Variants in ZNF609 observed in about 807,000 individuals in gnomAD.
ZNF609 encodes zinc finger protein 609.
ZNF609 carries 11 observed loss-of-function variants against 109.5 expected under a neutral mutation model. The ratio of observed to expected loss-of-function variants is 0.10; its 90% confidence interval spans 0.06 to 0.17. The LOEUF (loss-of-function observed/expected upper bound fraction) is 0.17. Ranked by LOEUF, ZNF609 falls within the 10% of genes least tolerant of loss-of-function variation. The pLI is 1.00. For synonymous variants in ZNF609, 646 were observed against 662.0 expected (o/e 0.98, Z 0.37); for missense variants, 1,559 against 1,772.4 (o/e 0.88, Z 2.16).
chr15:64,624,890 G>C (rs1297463718), intron 3 of ZNF609, among the ~76,000 whole-genome samples: 2 of 151,714 alleles, frequency 1.3e-5, no homozygotes, highest in Admixed American at 6.6e-5. Context: ...CTCCTGAGTA[G>C]TGGGGACTAC....
At chr15:64,513,357 C>T (rs1315993246) in intron 2 of ZNF609, among the ~76,000 whole-genome samples, 1 of 152,158 alleles carries the variant, frequency 6.6e-6, no homozygotes, top group Non-Finnish European at 1.5e-5. Context: ...TTTCATTTTG[C>T]TTGTACATAT....
At chr15:64,603,120 T>G (rs633275) in intron 2 of ZNF609, among the ~76,000 whole-genome samples, 112,644 of 151,610 alleles carry the variant, frequency 0.74, 45,372 homozygotes, top group East Asian at 0.96. Context: ...AAAGTTGAAC[T>G]TGCTTTCTCG....
chr15:64,489,937 G>A (rs1376246471), intron 1 of ZNF609, among the ~76,000 whole-genome samples: 2 of 151,636 alleles, frequency 1.3e-5, no homozygotes, highest in Admixed American at 1.3e-4. Flanking sequence ...AGGGGAAGAG[G>A]CATGGCAGAG....
chr15:64,667,322 A>G (rs544373830), intron 3 of ZNF609, among the ~76,000 whole-genome samples: 5 of 152,252 alleles, frequency 3.3e-5, no homozygotes, highest in Non-Finnish European at 7.3e-5. Context: ...TAGAAGTGCC[A>G]AATCAAAAAG....
chr15:64,529,709 T>A (rs1315401260), intron 2 of ZNF609: 5 of 671,900 alleles, frequency 7.4e-6, no homozygotes, highest in Non-Finnish European at 1.4e-5. Flanking sequence ...CGAGAGAATA[T>A]GTGGCTGTCT....
chr15:64,605,453 C>A (rs576825698), intron 2 of ZNF609, among the ~76,000 whole-genome samples: 1 of 152,222 alleles, frequency 6.6e-6, no homozygotes, highest in South Asian at 2.1e-4. Flanking sequence ...TAGAGATTAA[C>A]AATGTTGCAA....
intron 2 of ZNF609, among the ~76,000 whole-genome samples, chr15:64,503,226 C>G (rs1338680692): frequency 6.6e-6 from 1 of 152,188 alleles, no homozygotes; most frequent in African/African-American, 2.4e-5. Flanking sequence ...AGAGTGAGCT[C>G]TGTGCTGTTT....
chr15:64,464,759 AG>A (rs1472353707), intron 1 of ZNF609, among the ~76,000 whole-genome samples: 1 of 152,170 alleles, frequency 6.6e-6, no homozygotes, highest in Non-Finnish European at 1.5e-5. Context: ...TCTTTTCGCT[AG>A]GGAACAGGTA....
intron 2 of ZNF609, among the ~76,000 whole-genome samples, chr15:64,591,494 AAT>A (rs1248747299): frequency 1.3e-5 from 2 of 152,038 alleles, no homozygotes; most frequent in African/African-American, 4.8e-5. Flanking sequence ...CTCTATAAAA[AAT>A]GTTTTAAAAA....
chr15:64,640,367 C>A (rs1356759060), intron 3 of ZNF609, among the ~76,000 whole-genome samples: 1 of 152,008 alleles, frequency 6.6e-6, no homozygotes, highest in Non-Finnish European at 1.5e-5. Context: ...TTACTATTTA[C>A]CCTTCCTTGG....
intron 3 of ZNF609, among the ~76,000 whole-genome samples, chr15:64,653,863 A>G (rs973799849): frequency 6.6e-6 from 1 of 152,166 alleles, no homozygotes; most frequent in African/African-American, 2.4e-5. Context: ...TGGGAGCCAA[A>G]GAGCTATAAA....
intron 2 of ZNF609, among the ~76,000 whole-genome samples, chr15:64,521,478 A>AT (rs1180552163): frequency 6.6e-6 from 1 of 151,314 alleles, no homozygotes; most frequent in African/African-American, 2.4e-5. Context: ...TCCTTGTTTT[A>AT]TTTTTTCCTC....
At position 64,635,559 on chromosome 15, in the gene ZNF609, T is replaced by C. The variant is rs1408692205; in HGVS notation, c.973+12507T>C. ...CAACTCTGTAATCATTTATGTGGAA[T>C]AGAAGAGGGACTTGTCTTTGTTAGT... is the stretch of plus-strand genomic sequence containing the variant. On this transcript the variant is annotated intron_variant, in intron 3 of 9. Coordinates refer to ENST00000326648, the MANE Select transcript of ZNF609 (RefSeq NM_015042.2). Among the ~76,000 whole-genome samples the C allele has an allele frequency of 2.6e-5, 4 of 152,204 alleles. No homozygotes were observed. In the East Asian group the frequency reaches 7.7e-4, roughly 29 times the overall value.
At chr15:64,539,832 T>C (rs1894219548) in intron 2 of ZNF609, among the ~76,000 whole-genome samples, 1 of 152,066 alleles carries the variant, frequency 6.6e-6, no homozygotes, top group African/African-American at 2.4e-5. Flanking sequence ...TGACAGGGTT[T>C]CGCCATGTTG....
intron 2 of ZNF609, among the ~76,000 whole-genome samples, chr15:64,517,946 A>G (rs937160329): frequency 4.0e-5 from 6 of 151,744 alleles, no homozygotes; most frequent in African/African-American, 1.4e-4. Context: ...CACCTGACCA[A>G]TTTTGGATTT....
At chr15:64,485,622 G>A (rs1227608067) in intron 1 of ZNF609, among the ~76,000 whole-genome samples, 1 of 152,054 alleles carries the variant, frequency 6.6e-6, no homozygotes, top group Non-Finnish European at 1.5e-5. Flanking sequence ...GGGCAACATA[G>A]TGAGACCCTG....
In ZNF609 at chr15:64,675,679, A is replaced by G. The variant is rs149658249; in HGVS notation, c.2825A>G (p.Asp942Gly). ...PESIEGKVKNDICEEKKPELS... is the reference protein window; with the variant it reads ...PESIEGKVKNGICEEKKPELS... ...AGCATAGAAGGGAAAGTGAAGAACGATATCTGTGAAGAAAAGAAGCCCGAG... is the reference window on the plus strand; with the variant it reads ...AGCATAGAAGGGAAAGTGAAGAACGGTATCTGTGAAGAAAAGAAGCCCGAG... The change falls in exon 5 of 10, where the codon GAT becomes GGT. Residue 942 changes from aspartate (D) to glycine (G), a missense_variant. Asp to Gly is a moderately conservative substitution (Grantham distance 94). Coordinates refer to ENST00000326648, the MANE Select transcript of ZNF609 (RefSeq NM_015042.2). The G allele has an allele frequency of 2.3e-5, 37 of 1,613,904 alleles. 1 individual carries two copies. In the East Asian group the frequency reaches 4.2e-4, roughly 18 times the overall value.
At position 64,674,036 on chromosome 15, in the gene ZNF609, G is replaced by C. The variant is rs745517457; in HGVS notation, c.1182G>C (p.Gly394=). The change falls in exon 5 of 10, where the codon GGG becomes GGC. Residue 394 remains glycine, a synonymous_variant. Coordinates refer to ENST00000326648, the MANE Select transcript of ZNF609 (RefSeq NM_015042.2). ...CAGCCACAGCCTCTGACAGCAAAGGGACCAGTAACAGCAGCAAAACCCGGG... is the reference window on the plus strand; with the variant it reads ...CAGCCACAGCCTCTGACAGCAAAGGCACCAGTAACAGCAGCAAAACCCGGG... ...NETATASDSK[G]TSNSSKTRAG... is the part of the protein sequence containing the mutation. The C allele has an allele frequency of 1.9e-6, 3 of 1,614,032 alleles. No individual in the cohort carries two copies. The highest frequency in any genetic ancestry group is 2.5e-6 in the Non-Finnish European group (3 of 1,180,050).
chr15:64,589,428 C>A (rs1895257077), intron 2 of ZNF609, among the ~76,000 whole-genome samples: 1 of 152,138 alleles, frequency 6.6e-6, no homozygotes, highest in Non-Finnish European at 1.5e-5. Flanking sequence ...GCAGCAATAC[C>A]AAATGCTTCT....
Sources: allele counts gnomAD v4.1 joint callset (sites outside exome capture counted in the v4.1 genomes callset), GRCh38; gene constraint gnomAD v4.1.1; transcripts MANE v1.5; gene names NCBI Gene and HGNC (gene_info 2026-07-23, HGNC 2026-07-21).